TMEM232: variants seen among roughly 807,000 people sequenced by gnomAD.
The protein encoded by TMEM232 is transmembrane protein 232.
In TMEM232, 80 loss-of-function variants were observed where a neutral mutation model predicts 78.8. The observed-to-expected ratio is 1.01, with a 90% confidence interval of 0.85 to 1.22. The LOEUF is 1.22. Ranked by LOEUF, TMEM232 falls within the 50% of genes most tolerant of loss-of-function variation. The pLI is 0.00. For synonymous variants in TMEM232, 297 were observed against 254.3 expected, an observed-to-expected ratio of 1.17 and a Z score of -1.60; for missense variants, 881 against 742.2, an observed-to-expected ratio of 1.19 and a Z score of -2.17.
chr5:110,483,066 T>C (rs536075889), intron 12 of TMEM232, among the ~76,000 whole-genome samples: 1 of 152,308 alleles, frequency 6.6e-6, no homozygotes, highest in East Asian at 1.9e-4. Flanking sequence ...CTTTTTTTTC[T>C]ATCTTAGTTT....
intron 10 of TMEM232, 87 bp from the exon 11 acceptor site, chr5:110,568,712 A>G: frequency 7.9e-7 from 1 of 1,264,898 alleles, no homozygotes. Context: ...AACCAATTTT[A>G]CTATAATTCA....
chr5:110,623,197 G>A (rs1038370463), intron 7 of TMEM232, among the ~76,000 whole-genome samples: 4 of 151,990 alleles, frequency 2.6e-5, no homozygotes, highest in African/African-American at 7.2e-5. Flanking sequence ...AACAGCAGAC[G>A]AAAGGAAATT....
At chr5:110,522,703 G>C (rs747821886) in intron 12 of TMEM232, among the ~76,000 whole-genome samples, 1 of 152,076 alleles carries the variant, frequency 6.6e-6, no homozygotes, top group Non-Finnish European at 1.5e-5. Context: ...TGTAAATGTA[G>C]TATATAACAT....
chr5:110,575,967 AGGTTAGGTCCCT>A (rs1777529889), intron 10 of TMEM232, among the ~76,000 whole-genome samples: 2 of 151,922 alleles, frequency 1.3e-5, no homozygotes, highest in African/African-American at 4.8e-5. Context: ...GCAAAAAAGG[AGGTTAGGTCCCT>A]GTACATACTC....
rs140510608 is a variant in TMEM232, at chr5:110,451,736, C to T, written c.1704-26820G>A. Reference sequence around the variant, plus strand: ...AAGAAGCTTTCTTTCTCTCTAAAAACTCTTATAGCCCTTTACTTTTCTTGT... The same window carrying T: ...AAGAAGCTTTCTTTCTCTCTAAAAATTCTTATAGCCCTTTACTTTTCTTGT... On this transcript the variant is annotated intron_variant, in intron 12 of 13. Coordinates refer to ENST00000455884, the MANE Select transcript of TMEM232 (RefSeq NM_001039763.4). Among the ~76,000 whole-genome samples, 624 of 152,166 alleles carry T rather than the reference C, an allele frequency of 4.1e-3. 1 individual carries two copies. The highest frequency in any genetic ancestry group is 0.014 in the African/African-American group (585 of 41,560).
chr5:110,576,543 A>T (rs971841042), intron 10 of TMEM232, among the ~76,000 whole-genome samples: 2 of 152,062 alleles, frequency 1.3e-5, no homozygotes, highest in Admixed American at 1.3e-4. Flanking sequence ...GAAAATCTAT[A>T]TGGAATAACA....
intron 12 of TMEM232, among the ~76,000 whole-genome samples, chr5:110,435,819 A>T (rs311728): frequency 0.035 from 5,294 of 152,062 alleles, 174 homozygotes; most frequent in African/African-American, 0.081. Flanking sequence ...ATAGTACTCT[A>T]TTGTGTATAA....
chr5:110,575,099 C>CA (rs1561717281), intron 10 of TMEM232, among the ~76,000 whole-genome samples: 2 of 151,738 alleles, frequency 1.3e-5, no homozygotes, highest in East Asian at 3.9e-4. Context: ...TAGCAGGATA[C>CA]AAAGAATTCT....
At chr5:110,464,319 A>G (rs962634825) in intron 12 of TMEM232, among the ~76,000 whole-genome samples, 13 of 152,180 alleles carry the variant, frequency 8.5e-5, no homozygotes, top group Admixed American at 7.2e-4. Flanking sequence ...TATTGTTTCT[A>G]CTAGACAATA....
At chr5:110,516,805 A>T (rs73785475) in intron 12 of TMEM232, among the ~76,000 whole-genome samples, 5,808 of 152,284 alleles carry the variant, frequency 0.038, 383 homozygotes, top group African/African-American at 0.13. Flanking sequence ...AATTATTTTT[A>T]AAAATAATCT....
chr5:110,534,960 T>C (rs543056442), intron 11 of TMEM232, among the ~76,000 whole-genome samples: 1 of 152,236 alleles, frequency 6.6e-6, no homozygotes, highest in African/African-American at 2.4e-5. Context: ...TTCAGCTTAA[T>C]CTCTCCCACT....
chr5:110,562,724 A>G (rs1368215160), intron 11 of TMEM232, among the ~76,000 whole-genome samples: 2 of 152,110 alleles, frequency 1.3e-5, no homozygotes, highest in Non-Finnish European at 2.9e-5. Flanking sequence ...TAGGCTGAAC[A>G]GACACAGTAA....
At chr5:110,447,378 C>T (rs906380328) in intron 12 of TMEM232, among the ~76,000 whole-genome samples, 2 of 151,970 alleles carry the variant, frequency 1.3e-5, no homozygotes, top group African/African-American at 2.4e-5. Context: ...TATCACTGTG[C>T]CACCTAGCTG....
chr5:110,448,522 T>G (rs576078476), intron 12 of TMEM232, among the ~76,000 whole-genome samples: 1 of 152,170 alleles, frequency 6.6e-6, no homozygotes, highest in East Asian at 1.9e-4. Context: ...AATGATTGTT[T>G]TAAATTTGGT....
chr5:110,421,143 A>G (rs1311606755), intron 13 of TMEM232, among the ~76,000 whole-genome samples: 1 of 152,066 alleles, frequency 6.6e-6, no homozygotes, highest in Non-Finnish European at 1.5e-5. Flanking sequence ...AATACAAATT[A>G]AACAGAAAGG....
intron 2 of TMEM232, among the ~76,000 whole-genome samples, chr5:110,664,360 G>A (rs1476807056): frequency 1.3e-5 from 2 of 152,104 alleles, no homozygotes; most frequent in Non-Finnish European, 2.9e-5. Context: ...TAAAAAGCAA[G>A]CCACAGATAA....
At chr5:110,569,512 A>C (rs1776699585) in intron 10 of TMEM232, among the ~76,000 whole-genome samples, 1 of 151,920 alleles carries the variant, frequency 6.6e-6, no homozygotes, top group South Asian at 2.1e-4. Flanking sequence ...TAAGAAGAAT[A>C]AGAAGAGGAA....
chr5:110,428,020 A>T (rs1469468598), intron 12 of TMEM232, among the ~76,000 whole-genome samples: 1 of 151,792 alleles, frequency 6.6e-6, no homozygotes, highest in African/African-American at 2.4e-5. Context: ...AGTTATTTTA[A>T]AATGTACAAT....
chr5:110,719,282 C>T (rs113090846), intron 1 of TMEM232, among the ~76,000 whole-genome samples: 28 of 151,380 alleles, frequency 1.8e-4, no homozygotes, highest in South Asian at 6.2e-4. Context: ...TATATATATA[C>T]ACACACACAC....
Sources: gnomAD v4.1 joint callset for allele counts (sites outside exome capture counted in the v4.1 genomes callset) on GRCh38, gnomAD v4.1.1 for gene constraint, MANE v1.5 for transcripts, NCBI Gene and HGNC (gene_info 2026-07-23, HGNC 2026-07-21) for gene names.